Variants in NRG3 observed in about 807,000 individuals in gnomAD.
The protein encoded by NRG3 is neuregulin 3.
A neutral mutation model predicts 66.9 loss-of-function variants in NRG3; 31 were observed. The observed-to-expected ratio is 0.46, with a 90% CI of 0.35 to 0.63. The LOEUF is 0.63. NRG3 is among the 20% of genes least tolerant of loss of function. NRG3 has a pLI of 0.00. For missense variants in NRG3, 910 were observed against 878.9 expected (o/e 1.04, Z -0.45); for synonymous variants, 393 against 359.4 (o/e 1.09, Z -1.06).
chr10:82,099,781 G>T (rs1044722372), intron 1 of NRG3, among the ~76,000 whole-genome samples: 2 of 151,518 alleles, frequency 1.3e-5, no homozygotes, highest in African/African-American at 4.8e-5. Flanking sequence ...GATCAGCATG[G>T]CAAGACTTCC....
intron 1 of NRG3, among the ~76,000 whole-genome samples, chr10:82,057,385 A>G (rs575937690): frequency 9.9e-5 from 15 of 152,202 alleles, no homozygotes; most frequent in East Asian, 3.9e-4. Flanking sequence ...CATAAGTCCA[A>G]TATCTGTTGT....
intron 2 of NRG3, among the ~76,000 whole-genome samples, chr10:82,619,785 G>A (rs1012174017): frequency 4.6e-5 from 7 of 152,236 alleles, no homozygotes; most frequent in Non-Finnish European, 7.4e-5. Context: ...AGGAAGGATC[G>A]TGTGAAGACA....
intron 1 of NRG3, among the ~76,000 whole-genome samples, chr10:82,342,257 T>C (rs1208824826): frequency 6.6e-6 from 1 of 152,032 alleles, no homozygotes; most frequent in Non-Finnish European, 1.5e-5. Flanking sequence ...GATATAATAA[T>C]GATTTCTTTC....
At chr10:82,417,705 G>T (rs1185928075) in intron 2 of NRG3, among the ~76,000 whole-genome samples, 1 of 152,206 alleles carries the variant, frequency 6.6e-6, no homozygotes, top group Non-Finnish European at 1.5e-5. Context: ...CAGCGAAATG[G>T]TGGATTCTGA....
At chr10:82,567,891 T>TTGCAGC (rs1436387808) in intron 2 of NRG3, among the ~76,000 whole-genome samples, 1 of 151,914 alleles carries the variant, frequency 6.6e-6, no homozygotes, top group African/African-American at 2.4e-5. Context: ...ACCTCTTCTT[T>TTGCAGC]TGCAGCTGCA....
intron 4 of NRG3, among the ~76,000 whole-genome samples, chr10:82,916,159 G>T (rs1845810898): frequency 6.6e-6 from 1 of 152,122 alleles, no homozygotes; most frequent in East Asian, 1.9e-4. Flanking sequence ...CTTCTTTAAG[G>T]TTGGGGCAAT....
At chr10:82,184,027 G>C (rs1470168704) in intron 1 of NRG3, among the ~76,000 whole-genome samples, 4 of 152,050 alleles carry the variant, frequency 2.6e-5, no homozygotes, top group Non-Finnish European at 4.4e-5. Context: ...TGAGCAATTA[G>C]GTAAGCAAAT....
chr10:82,030,174 C>A (rs944404127), intron 1 of NRG3, among the ~76,000 whole-genome samples: 1 of 152,034 alleles, frequency 6.6e-6, no homozygotes, highest in Non-Finnish European at 1.5e-5. Flanking sequence ...AACAATGACA[C>A]CTTTGGGAGG....
intron 1 of NRG3, among the ~76,000 whole-genome samples, chr10:82,009,267 A>C (rs953054647): frequency 2.0e-5 from 3 of 152,198 alleles, no homozygotes; most frequent in African/African-American, 4.8e-5. Context: ...AAGAAAACTC[A>C]GAATGACAAG....
At chr10:82,289,380 T>C (rs1401986630) in intron 1 of NRG3, among the ~76,000 whole-genome samples, 19 of 151,986 alleles carry the variant, frequency 1.3e-4, no homozygotes, top group Admixed American at 1.2e-3. Context: ...AGTTATCTTG[T>C]GATCCATTTA....
At chr10:82,751,684 A>G (rs1478266860) in intron 3 of NRG3, among the ~76,000 whole-genome samples, 4 of 152,162 alleles carry the variant, frequency 2.6e-5, no homozygotes, top group Non-Finnish European at 1.5e-5. Flanking sequence ...TCATTTTTGA[A>G]CTATGTAAAT....
chr10:82,000,829 T>G (rs1375266101), intron 1 of NRG3, among the ~76,000 whole-genome samples: 1 of 152,208 alleles, frequency 6.6e-6, no homozygotes, highest in Non-Finnish European at 1.5e-5. Context: ...AAATCATTTC[T>G]GTTGCAAAAT....
At chr10:82,321,309 G>T (rs970550671) in intron 1 of NRG3, among the ~76,000 whole-genome samples, 2 of 151,304 alleles carry the variant, frequency 1.3e-5, no homozygotes, top group Non-Finnish European at 2.9e-5. Context: ...GGTGGGGGTG[G>T]GGGTCAGGGA....
At chr10:82,474,810 T>C (rs1179957875) in intron 2 of NRG3, among the ~76,000 whole-genome samples, 1 of 152,094 alleles carries the variant, frequency 6.6e-6, no homozygotes, top group Admixed American at 6.5e-5. Flanking sequence ...AGAGTGTACC[T>C]ATATTAAGAC....
intron 4 of NRG3, among the ~76,000 whole-genome samples, chr10:82,926,159 T>C (rs1273267096): frequency 6.6e-6 from 1 of 152,224 alleles, no homozygotes; most frequent in African/African-American, 2.4e-5. Context: ...GAAACTTGAA[T>C]TTGCCATATG....
chr10:82,041,805 T>A (rs2063052406), intron 1 of NRG3, among the ~76,000 whole-genome samples: 1 of 92,838 alleles, frequency 1.1e-5, no homozygotes, highest in African/African-American at 3.4e-5. Context: ...AAGAATGGTC[T>A]ACTGATCTCT....
intron 1 of NRG3, among the ~76,000 whole-genome samples, chr10:82,199,032 G>A (rs1458711722): frequency 2.0e-5 from 3 of 150,036 alleles, no homozygotes; most frequent in African/African-American, 7.5e-5. Context: ...TTCTGGGCGT[G>A]GTTGCATGCA....
chr10:82,953,383 C>G (rs1849716240), intron 5 of NRG3, among the ~76,000 whole-genome samples: 1 of 151,928 alleles, frequency 6.6e-6, no homozygotes, highest in Non-Finnish European at 1.5e-5. Flanking sequence ...TGCTCTAAAC[C>G]TCTATACCAT....
intron 1 of NRG3, among the ~76,000 whole-genome samples, chr10:82,300,586 A>T (rs1166226208): frequency 6.6e-6 from 1 of 152,168 alleles, no homozygotes; most frequent in Non-Finnish European, 1.5e-5. Context: ...CCTATTGGGG[A>T]GTTAAAAATT....
Sources: allele counts gnomAD v4.1 joint callset (sites outside exome capture counted in the v4.1 genomes callset), GRCh38; gene constraint gnomAD v4.1.1; transcripts MANE v1.5; gene names NCBI Gene and HGNC (gene_info 2026-07-23, HGNC 2026-07-21).